GPR108: variants seen among roughly 807,000 people sequenced by gnomAD.
GPR108 encodes G protein-coupled receptor 108.
Under a neutral mutation model 74.3 loss-of-function variants are expected in GPR108, and 60 were observed. The observed-to-expected ratio is 0.81, with a 90% CI of 0.66 to 1.00. The LOEUF is 1.00. GPR108 is among the 50% of genes least tolerant of loss of function. GPR108 has a pLI of 0.00. For missense variants in GPR108, 667 were observed against 703.3 expected (o/e 0.95, Z 0.58); for synonymous variants, 311 against 292.4 (o/e 1.06, Z -0.65).
chr19:6,733,101 T>C, intron 9 of GPR108, 39 bp from the exon 10 acceptor site: 1 of 1,613,050 alleles, frequency 6.2e-7, no homozygotes, highest in East Asian at 2.2e-5. Context: ...GTGCGGGGCA[T>C]CAGCAGAGCA....
In GPR108 at chr19:6,734,182, C is replaced by G; in HGVS notation, c.499+1G>C. The stretch of plus-strand genomic sequence containing the variant: ...CCGTCTGCACAGCCAGCCTGACTCA[C>G]CGCCATCCACCTTGCGGGGGACTGT... On this transcript the variant is annotated splice_donor_variant, in intron 5 of 17. Coordinates refer to ENST00000264080, the MANE Select transcript of GPR108 (RefSeq NM_001080452.2). LOFTEE classifies it high-confidence loss of function. The G allele has an allele frequency of 6.2e-7, 1 of 1,614,212 alleles. No homozygotes were observed. Among genetic ancestry groups the G allele is most frequent in the Non-Finnish European group, 8.5e-7 (1 of 1,180,044 alleles).
chr19:6,732,250 G>A lies in GPR108; in HGVS notation c.1125+13C>T, dbSNP rs781499324. 1.9e-6 allele frequency: 3 copies of A among 1,611,512 alleles called. No homozygotes were observed. The highest frequency in any genetic ancestry group is 2.2e-5 in the South Asian group (2 of 91,088). On this transcript the variant is annotated intron_variant, in intron 12 of 17. Transcript: ENST00000264080. ...CCCTCCCCGCCCTGCTCCGGAGGCT[G>A]CTCCATCCGCACCTGCATGGGGATC... is the stretch of plus-strand genomic sequence containing the variant.
chr19:6,731,957 GGT>G, intron 13 of GPR108, 23 bp from the exon 14 acceptor site: 1 of 1,613,236 alleles, frequency 6.2e-7, no homozygotes. Flanking sequence ...GAGGACACAG[GGT>G]ACGGTCAGCG....
Position 6,732,404 on chromosome 19 carries a change from ATG to A in GPR108, c.1008-26_1008-25del. 3 of 1,612,288 alleles carry A rather than the reference ATG, an allele frequency of 1.9e-6. No individual in the cohort carries two copies. The South Asian group carries it at 3.3e-5, about 18-fold the overall frequency. On this transcript the variant is annotated intron_variant, in intron 11 of 17. Coordinates refer to ENST00000264080, the MANE Select transcript of GPR108 (RefSeq NM_001080452.2). ...GCCTGAAGGAGCAGGGGAGGGCGTGATGATGAGGTGGGGGGCCAACCCTCCCC... is the reference window on the plus strand; with the variant it reads ...GCCTGAAGGAGCAGGGGAGGGCGTGAATGAGGTGGGGGGCCAACCCTCCCC...
In GPR108 at chr19:6,733,161, G is replaced by A. The variant is rs535578508; in HGVS notation, c.857+7C>T. ...ACGTGGGGGACCCTCAGGGGCAGGG[G>A]CATTACGTGTTCCTGCAGAGGATGG... On this transcript the variant is annotated splice_region_variant and intron_variant, in intron 9 of 17. Coordinates refer to ENST00000264080, the MANE Select transcript of GPR108 (RefSeq NM_001080452.2). 1 of 1,613,874 alleles carries A rather than the reference G, an allele frequency of 6.2e-7. No homozygotes were observed. The highest frequency in any genetic ancestry group is 8.5e-7 in the Non-Finnish European group (1 of 1,180,006).
At chr19:6,735,803 C>T in intron 3 of GPR108, 99 bp from the exon 4 acceptor site, 2 of 1,524,202 alleles carry the variant, frequency 1.3e-6, no homozygotes, top group Non-Finnish European at 9.0e-7. Flanking sequence ...CTTCCTGCTC[C>T]TGCCTCTGAC....
chr19:6,730,095 G>T lies in GPR108; in HGVS notation c.*217C>A. On this transcript the variant is annotated 3_prime_UTR_variant, in exon 18 of 18. Transcript: ENST00000264080. ...GTCATTATTGTACACATAGCTGGAAGGGAGGGGTGGTCCCGGGGTAAGGAC... is the reference window on the plus strand; with the variant it reads ...GTCATTATTGTACACATAGCTGGAATGGAGGGGTGGTCCCGGGGTAAGGAC... 1.7e-6 allele frequency: 1 copy of T among 586,522 alleles called. No individual in the cohort carries two copies. Among genetic ancestry groups the T allele is most frequent in the Non-Finnish European group, 3.1e-6 (1 of 324,070 alleles). The allele number at this position is 586,522 out of a possible 1,614,324, so 36.3% of individuals were successfully genotyped here. A position where few individuals can be genotyped will look rare whatever the true frequency, so the allele number is the denominator to read the frequency against.
chr19:6,730,281 G>A lies in GPR108; in HGVS notation c.*31C>T, dbSNP rs368389831. 20 of 1,596,740 alleles carry A rather than the reference G, an allele frequency of 1.3e-5. No individual in the cohort carries two copies. The highest frequency in any genetic ancestry group is 1.7e-5 in the Non-Finnish European group (20 of 1,164,182). On this transcript the variant is annotated 3_prime_UTR_variant, in exon 18 of 18. Coordinates refer to ENST00000264080, the MANE Select transcript of GPR108 (RefSeq NM_001080452.2). ...GCAGGAGTGAGAAATGCTGGGGGAG[G>A]ACGACCCTTTGGTCTGAGATGTGGA...
intron 1 of GPR108, 182 bp from the exon 2 acceptor site, chr19:6,736,893 TCTC>T (rs1327689413): frequency 1.3e-6 from 1 of 765,636 alleles, no homozygotes; most frequent in Non-Finnish European, 2.0e-6. Flanking sequence ...GGTCCTGCAT[TCTC>T]CGACCTCTGT....
Position 6,730,369 on chromosome 19 carries a change from C to CCCAGAGT in GPR108, c.1568_1574dup (p.Phe526LeufsTer127). 2 of 1,613,364 alleles carry CCCAGAGT rather than the reference C, an allele frequency of 1.2e-6. No individual in the cohort carries two copies. The highest frequency in any genetic ancestry group is 1.7e-6 in the Non-Finnish European group (2 of 1,179,864). ...TGACTTTGGAGAGGCCTTCCCGGAA[C>CCCAGAGT]CCAGAGTCCGTCATTCTGGGGGCAG... On this transcript the variant is annotated frameshift_variant, in exon 18 of 18. Transcript: ENST00000264080. LOFTEE classifies it high-confidence loss of function.
rs752450610 is a variant in GPR108, at chr19:6,732,486, T to C, written c.997A>G (p.Ile333Val). 39 of 1,613,410 alleles carry C rather than the reference T, an allele frequency of 2.4e-5. No homozygotes were observed. The South Asian group carries it at 3.2e-4, about 13-fold the overall frequency. Residue 333 changes from isoleucine (I) to valine (V), a missense_variant, in exon 11 of 18, where the codon ATC becomes GTC. Transcript: ENST00000264080. The part of the protein sequence containing the change: ...PIEGLAVMYY[I>V]AHLLKGALLF... ...GTGGGGGACACTCACAGGTGTGCGA[T>C]GTAGTACATGACGGCAAGGCCTTCG...
In GPR108 at chr19:6,731,508, C is replaced by A. The variant is rs188210444; in HGVS notation, c.1315G>T (p.Ala439Ser). 33 of 1,430,226 alleles carry A rather than the reference C, an allele frequency of 2.3e-5. No homozygotes were observed. The East Asian group carries it at 9.5e-4, about 41-fold the overall frequency. The allele number at this position is 1,430,226 out of a possible 1,614,324, so 88.6% of individuals were successfully genotyped here. Reference sequence around the variant, plus strand: ...TAATGCCGGAACAGCTTCAGCTTGGCCAGGTTCACTGCCACTGAGGGTGGG... The same window carrying A: ...TAATGCCGGAACAGCTTCAGCTTGGACAGGTTCACTGCCACTGAGGGTGGG... ...GTDGKVAVNL[A>S]KLKLFRHYYV... Residue 439 changes from alanine (A) to serine (S), a missense_variant, in exon 15 of 18, where the codon GCC becomes TCC. Physicochemically the swap from Ala to Ser is moderately conservative, Grantham distance 99. Coordinates refer to ENST00000264080, the MANE Select transcript of GPR108 (RefSeq NM_001080452.2).
chr19:6,731,385 G>C lies in GPR108; in HGVS notation c.1350+88C>G, dbSNP rs1054455293. Reference sequence around the variant, plus strand: ...GCTGGGGAGCCTGGATGGGGGCCTCGGGATGGGGCAGCAGCTGAGGGGCTG... The same window carrying C: ...GCTGGGGAGCCTGGATGGGGGCCTCCGGATGGGGCAGCAGCTGAGGGGCTG... On this transcript the variant is annotated intron_variant, in intron 15 of 17. Transcript: ENST00000264080. 15 of 1,483,828 alleles carry C rather than the reference G, an allele frequency of 1.0e-5. No homozygotes were observed. The South Asian group carries it at 1.7e-4, about 17-fold the overall frequency. The allele number at this position is 1,483,828 out of a possible 1,614,324, so 91.9% of individuals were successfully genotyped here.
At chr19:6,730,909 G>GGGCC in intron 17 of GPR108, 78 bp downstream of exon 17, 2 of 662,532 alleles carry the variant, frequency 3.0e-6, no homozygotes. Flanking sequence ...CCTCCCCCCT[G>GGGCC]CCCACCCTGC....
In GPR108 at chr19:6,733,660, G is replaced by T. The variant is rs779906136; in HGVS notation, c.633C>A (p.Ile211=). ...ACTGGCCTTCTTCCGCCTGAGAGCC[G>T]ATCACCACGTGGAACTGGGCGGGCG... is the stretch of plus-strand genomic sequence containing the variant. The part of the protein sequence containing the change: ...NSYNFSFHVV[I]GSQAEEGQYS... The change falls in exon 8 of 18, where the codon ATC becomes ATA. Residue 211 remains isoleucine, a synonymous_variant. Coordinates refer to ENST00000264080, the MANE Select transcript of GPR108 (RefSeq NM_001080452.2). 3.7e-6 allele frequency: 6 copies of T among 1,614,052 alleles called. No homozygotes were observed. The highest frequency in any genetic ancestry group is 5.1e-6 in the Non-Finnish European group (6 of 1,179,938).
intron 11 of GPR108, 45 bp from the exon 12 acceptor site, chr19:6,732,425 C>T: frequency 6.2e-7 from 1 of 1,611,382 alleles, no homozygotes; most frequent in Non-Finnish European, 8.5e-7. Flanking sequence ...GGGGGCCAAC[C>T]CTCCCCTGCC....
chr19:6,734,313 G>T lies in GPR108; in HGVS notation c.375-6C>A. The T allele has an allele frequency of 1.2e-6, 2 of 1,612,420 alleles. No individual in the cohort carries two copies. The highest frequency in any genetic ancestry group is 2.2e-5 in the East Asian group (1 of 44,876). ...CATACTTCCGCACCTGGACCCTGGG[G>T]TGAGGGTGGGGTGGGGCATGAGGCT... On this transcript the variant is annotated splice_polypyrimidine_tract_variant and splice_region_variant and intron_variant, in intron 4 of 17. Transcript: ENST00000264080.
Position 6,731,012 on chromosome 19 carries a change from CGTCCTCCTG to C in GPR108, c.1525_1533del (p.Gln509_Asp511del). 1.2e-5 allele frequency: 20 copies of C among 1,613,526 alleles called. No individual in the cohort carries two copies. The highest frequency in any genetic ancestry group is 1.6e-5 in the Non-Finnish European group (19 of 1,179,784). On this transcript the variant is annotated inframe_deletion, in exon 17 of 18. Transcript: ENST00000264080. Reference sequence around the variant, plus strand: ...ACTTGCTCCATCTGAACATCCTCCTCGTCCTCCTGGGGCAGCTGCAGGTACGGGTTGTTT... The same window carrying C: ...ACTTGCTCCATCTGAACATCCTCCTCGGGCAGCTGCAGGTACGGGTTGTTT...
In GPR108 at chr19:6,736,624, C is replaced by T; in HGVS notation, c.208G>A (p.Gly70Ser). The T allele has an allele frequency of 6.2e-7, 1 of 1,614,062 alleles. No individual in the cohort carries two copies. The highest frequency in any genetic ancestry group is 1.1e-5 in the South Asian group (1 of 91,078). ...LEVELSVLRL[G>S]LREAEEKSLL... ...GACTTCTCTTCTGCCTCCCGGAGGC[C>T]CAGCCGCAGGACGCTCAACTCCACC... Residue 70 changes from glycine to serine, a missense_variant, in exon 2 of 18, where the codon GGC (glycine) becomes AGC (serine). Coordinates refer to ENST00000264080, the MANE Select transcript of GPR108 (RefSeq NM_001080452.2).
Sources: gnomAD v4.1 joint callset for allele counts on GRCh38, gnomAD v4.1.1 for gene constraint, MANE v1.5 for transcripts, NCBI Gene and HGNC (gene_info 2026-07-23, HGNC 2026-07-21) for gene names.